MYO5B: variants seen among roughly 807,000 people sequenced by gnomAD.
The protein encoded by MYO5B is unconventional myosin-Vb.
A neutral mutation model predicts 229.3 loss-of-function variants in MYO5B; 143 were observed. The ratio of observed to expected loss-of-function variants is 0.62; its 90% CI spans 0.54 to 0.72. The LOEUF (loss-of-function observed/expected upper bound fraction) is 0.72, where lower values mean the gene tolerates loss of function less well. MYO5B is among the 30% of genes least tolerant of loss of function. The pLI is 0.00. For synonymous variants in MYO5B, 918 were observed against 885.2 expected (o/e 1.04, Z -0.66); for missense variants, 2,321 against 2,331.0 (o/e 1.00, Z 0.09).
chr18:49,969,592 A>C (rs567205195), intron 10 of MYO5B: 13 of 152,126 alleles, frequency 8.5e-5, no homozygotes, highest in Non-Finnish European at 1.9e-4. Context: ...GTTTTGTCCA[A>C]TTCTTTGTTC....
intron 24 of MYO5B, among the ~76,000 whole-genome samples, chr18:49,878,299 A>T (rs886137255): frequency 6.6e-6 from 1 of 152,154 alleles, no homozygotes; most frequent in Non-Finnish European, 1.5e-5. Context: ...TATTAAAAAT[A>T]GTTTACCATT....
chr18:50,098,010 C>G (rs2031586503), intron 1 of MYO5B, among the ~76,000 whole-genome samples: 1 of 152,198 alleles, frequency 6.6e-6, no homozygotes, highest in African/African-American at 2.4e-5. Context: ...TGGTATGAGT[C>G]AGGAAAGGAC....
chr18:50,189,022 G>A (rs937118853), intron 1 of MYO5B, among the ~76,000 whole-genome samples: 1 of 152,120 alleles, frequency 6.6e-6, no homozygotes, highest in South Asian at 2.1e-4. Context: ...TGGAACTAGG[G>A]ATGAGAGAAG....
intron 7 of MYO5B, among the ~76,000 whole-genome samples, chr18:49,989,494 G>T (rs1331268756): frequency 6.6e-6 from 1 of 152,174 alleles, no homozygotes; most frequent in Non-Finnish European, 1.5e-5. Context: ...AGCATGGCAG[G>T]AAGTGTGGCA....
intron 1 of MYO5B, among the ~76,000 whole-genome samples, chr18:50,103,991 A>G (rs1031758427): frequency 1.5e-5 from 2 of 134,578 alleles, no homozygotes; most frequent in African/African-American, 3.2e-5. Flanking sequence ...GTGAGATCCC[A>G]TCTCCATTAA....
Position 49,912,059 on chromosome 18 carries a change from C to T in MYO5B, c.2202+3G>A, listed in dbSNP as rs1183235539. 2 of 1,612,904 alleles carry T rather than the reference C, an allele frequency of 1.2e-6. No homozygotes were observed. Among genetic ancestry groups the T allele is most frequent in the African/African-American group, 2.7e-5 (2 of 74,860 alleles). Reference sequence around the variant, plus strand: ...TCTCCTGGAGCTGGGCTGTGTGGCTCACCTTGATGAGGTTCTCCAGGACAG... The same window carrying T: ...TCTCCTGGAGCTGGGCTGTGTGGCTTACCTTGATGAGGTTCTCCAGGACAG... On this transcript the variant is annotated splice_donor_region_variant and intron_variant, in intron 18 of 39. Transcript: ENST00000285039.
chr18:50,183,083 C>T (rs1283541107), intron 1 of MYO5B, among the ~76,000 whole-genome samples: 1 of 152,008 alleles, frequency 6.6e-6, no homozygotes, highest in East Asian at 1.9e-4. Flanking sequence ...TTTGGCATTG[C>T]ATCTTTTAAT....
intron 34 of MYO5B, among the ~76,000 whole-genome samples, chr18:49,842,095 GAA>G (rs1178864496): frequency 2.1e-5 from 2 of 96,874 alleles, no homozygotes; most frequent in East Asian, 2.9e-4. Flanking sequence ...ACGACCAAAA[GAA>G]AAAAAAAAAA....
intron 2 of MYO5B, among the ~76,000 whole-genome samples, chr18:50,046,335 A>C (rs1446212300): frequency 6.6e-6 from 1 of 152,186 alleles, no homozygotes; most frequent in Non-Finnish European, 1.5e-5. Context: ...TTTGCCTTTT[A>C]AGTTCTCCAG....
chr18:49,962,476 C>A, intron 11 of MYO5B, 70 bp from the exon 12 acceptor site: 1 of 1,602,722 alleles, frequency 6.2e-7, no homozygotes. Context: ...CCCAGGGGCT[C>A]AGTGAGTTCT....
intron 1 of MYO5B, among the ~76,000 whole-genome samples, chr18:50,180,005 C>T (rs566832827): frequency 5.5e-4 from 83 of 152,274 alleles, no homozygotes; most frequent in African/African-American, 1.7e-3. Flanking sequence ...CACTTAGGTC[C>T]GGACCTCTAG....
chr18:49,884,394 A>C (rs944352135), intron 22 of MYO5B, among the ~76,000 whole-genome samples: 1 of 152,046 alleles, frequency 6.6e-6, no homozygotes, highest in African/African-American at 2.4e-5. Context: ...TATACAATTA[A>C]ATCATTATAC....
intron 14 of MYO5B, among the ~76,000 whole-genome samples, chr18:49,947,903 G>A (rs1035747445): frequency 6.6e-6 from 1 of 152,148 alleles, no homozygotes; most frequent in South Asian, 2.1e-4. Context: ...AAGTCAACGT[G>A]CAGGTTTGTT....
At chr18:50,044,886 G>A (rs368816913) in intron 2 of MYO5B, among the ~76,000 whole-genome samples, 3 of 151,416 alleles carry the variant, frequency 2.0e-5, no homozygotes, top group Non-Finnish European at 4.4e-5. Context: ...AGGGGAAAGA[G>A]CAAGTAGGAG....
In MYO5B at chr18:49,849,581, G is replaced by C; in HGVS notation, c.4301C>G (p.Ala1434Gly). The change falls in exon 32 of 40, where the codon GCC becomes GGC. Residue 1434 changes from alanine (A) to glycine (G), a missense_variant. Transcript: ENST00000285039. ...CACCCCCCTACCTTCTAGGTCCTGG[G>C]CTTTCTTCATGTAAATCTTCAGTTG... Reference protein sequence around the residue: ...KKQLKIYMKKAQDLEAAQALA... With the variant: ...KKQLKIYMKKGQDLEAAQALA... 1 of 1,611,704 alleles carries C rather than the reference G, an allele frequency of 6.2e-7. No homozygotes were observed. Among genetic ancestry groups the C allele is most frequent in the Non-Finnish European group, 8.5e-7 (1 of 1,178,826 alleles).
intron 1 of MYO5B, among the ~76,000 whole-genome samples, chr18:50,181,220 T>C (rs2033069170): frequency 2.6e-5 from 4 of 152,256 alleles, no homozygotes; most frequent in African/African-American, 9.6e-5. Flanking sequence ...ACATATAATT[T>C]AAGTGGAACT....
At chr18:50,068,813 G>A (rs1220889894) in intron 1 of MYO5B, among the ~76,000 whole-genome samples, 1 of 152,192 alleles carries the variant, frequency 6.6e-6, no homozygotes, top group Non-Finnish European at 1.5e-5. Flanking sequence ...TTCCCAATCA[G>A]TAGGTTAACT....
chr18:49,847,363 C>T lies in MYO5B; in HGVS notation c.4316-74G>A, dbSNP rs535709275. The T allele has an allele frequency of 6.7e-5, 104 of 1,554,274 alleles. 1 individual carries two copies. Among genetic ancestry groups the T allele is most frequent in the African/African-American group, 5.0e-4 (37 of 73,510 alleles). On this transcript the variant is annotated intron_variant, in intron 32 of 39. Transcript: ENST00000285039. The stretch of plus-strand genomic sequence containing the variant: ...GCCTGAGGGTAGCGGGCATCTCTGG[C>T]GGGTGGAGGATGGGACCTGGGGCAG...
chr18:50,040,596 T>A (rs974851649), intron 2 of MYO5B, among the ~76,000 whole-genome samples: 1 of 152,178 alleles, frequency 6.6e-6, no homozygotes, highest in African/African-American at 2.4e-5. Flanking sequence ...AGTCTTTAAT[T>A]TCAGTTGCAA....
Sources: allele counts gnomAD v4.1 joint callset (sites outside exome capture counted in the v4.1 genomes callset), GRCh38; gene constraint gnomAD v4.1.1; transcripts MANE v1.5; gene names NCBI Gene and HGNC (gene_info 2026-07-23, HGNC 2026-07-21).